Variants in MCTP2 observed in about 807,000 individuals in gnomAD.
The protein encoded by MCTP2 is multiple C2 and transmembrane domain containing 2, also known as multiple C2 and transmembrane domain-containing protein 2.
A neutral mutation model predicts 111.6 loss-of-function variants in MCTP2; 132 were observed. The ratio of observed to expected loss-of-function variants is 1.18; its 90% CI spans 1.03 to 1.37. The LOEUF (loss-of-function observed/expected upper bound fraction) is 1.37. Among genes scored for constraint, MCTP2 ranks in the 40% most tolerant of loss-of-function variants. The pLI is 0.00. For missense variants in MCTP2, 1,183 were observed against 1,067.9 expected, an observed-to-expected ratio of 1.11 and a Z score of -1.50; for synonymous variants, 395 against 387.7, an observed-to-expected ratio of 1.02 and a Z score of -0.22.
At chr15:94,341,074 G>C (rs2077615520) in intron 7 of MCTP2, 150 bp downstream of exon 7, 1 of 581,046 alleles carries the variant, frequency 1.7e-6, no homozygotes, top group South Asian at 2.3e-5. Flanking sequence ...TAAAATATCT[G>C]TTTTTTAATA....
intron 12 of MCTP2, among the ~76,000 whole-genome samples, chr15:94,374,451 G>C (rs945715927): frequency 1.3e-5 from 2 of 152,168 alleles, no homozygotes; most frequent in Non-Finnish European, 2.9e-5. Flanking sequence ...TGCCAGGATT[G>C]TAATGTGTTG....
At chr15:94,460,127 T>A (rs1358134523) in intron 20 of MCTP2, among the ~76,000 whole-genome samples, 1 of 152,172 alleles carries the variant, frequency 6.6e-6, no homozygotes, top group Admixed American at 6.5e-5. Context: ...TAATAGCCAA[T>A]TAGAATTCAG....
intron 1 of MCTP2, among the ~76,000 whole-genome samples, chr15:94,256,882 C>T (rs546718827): frequency 5.3e-5 from 8 of 152,310 alleles, no homozygotes; most frequent in South Asian, 2.1e-4. Flanking sequence ...ACTCGTCCTG[C>T]GTGGAACATA....
chr15:94,365,176 TATA>T (rs2079120968), intron 10 of MCTP2, among the ~76,000 whole-genome samples: 1 of 152,224 alleles, frequency 6.6e-6, no homozygotes, highest in Non-Finnish European at 1.5e-5. Flanking sequence ...ATGATGCTAA[TATA>T]TCAGTTTAAC....
At chr15:94,283,159 G>A (rs1431924140) in intron 1 of MCTP2, among the ~76,000 whole-genome samples, 2 of 152,250 alleles carry the variant, frequency 1.3e-5, no homozygotes, top group East Asian at 1.9e-4. Context: ...CTATGGCAGT[G>A]GCTGCTTGTA....
intron 17 of MCTP2, among the ~76,000 whole-genome samples, chr15:94,439,864 T>C (rs2083678653): frequency 6.6e-6 from 1 of 152,256 alleles, no homozygotes; most frequent in Non-Finnish European, 1.5e-5. Flanking sequence ...ATTTGGTCTC[T>C]GGCCTGCGTC....
chr15:94,382,255 GT>G (rs2080180326), intron 12 of MCTP2, among the ~76,000 whole-genome samples: 1 of 152,206 alleles, frequency 6.6e-6, no homozygotes, highest in South Asian at 2.1e-4. Flanking sequence ...GTATTCTTTG[GT>G]TTATAGTGAT....
At chr15:94,375,454 G>C (rs1344609854) in intron 12 of MCTP2, among the ~76,000 whole-genome samples, 1 of 152,160 alleles carries the variant, frequency 6.6e-6, no homozygotes, top group East Asian at 1.9e-4. Context: ...AGGCAATGGA[G>C]GGACAAAACT....
At chr15:94,292,308 A>T (rs890688972) in intron 1 of MCTP2, among the ~76,000 whole-genome samples, 1 of 152,238 alleles carries the variant, frequency 6.6e-6, no homozygotes, top group Non-Finnish European at 1.5e-5. Flanking sequence ...TTAGTCCAAT[A>T]AGGCAAGAAA....
At chr15:94,355,969 C>T (rs2078598597) in intron 8 of MCTP2, 168 bp from the exon 9 acceptor site, 2 of 1,288,772 alleles carry the variant, frequency 1.6e-6, no homozygotes, top group Non-Finnish European at 2.0e-6. Context: ...AAGGAAGTCA[C>T]ATAACTGTGA....
chr15:94,479,208 C>T lies in MCTP2; in HGVS notation c.*174C>T. 1 of 648,664 alleles carries T rather than the reference C, an allele frequency of 1.5e-6. No individual in the cohort carries two copies. The highest frequency in any genetic ancestry group is 2.8e-6 in the Non-Finnish European group (1 of 358,828). 40.2% of individuals were successfully genotyped at this position (648,664 alleles called of 1,614,324 possible). A position where few individuals can be genotyped will look rare whatever the true frequency, so the allele number is the denominator to read the frequency against. ...AGACATACACACATGTGCACACACC[C>T]TCATGCATGGGTGTCCTAGTTGCGT... On this transcript the variant is annotated 3_prime_UTR_variant, in exon 23 of 23. Coordinates refer to ENST00000357742, the MANE Select transcript of MCTP2 (RefSeq NM_001385001.1).
At chr15:94,232,512 G>C (rs1415454562) in intron 1 of MCTP2, among the ~76,000 whole-genome samples, 1 of 152,188 alleles carries the variant, frequency 6.6e-6, no homozygotes, top group Non-Finnish European at 1.5e-5. Context: ...GATTTGTATG[G>C]ATTATAATTT....
At position 94,290,880 on chromosome 15, in the gene MCTP2, A is replaced by G. The variant is rs1252189907; in HGVS notation, c.-65-7321A>G. On this transcript the variant is annotated intron_variant, in intron 1 of 22. Transcript: ENST00000357742. ...TATAACAATCATAAATGTGTGTGCA[A>G]TAACAGAGCTTCAAAATACAGAAGC... Among the ~76,000 whole-genome samples the G allele has an allele frequency of 2.0e-5, 3 of 152,362 alleles. No homozygotes were observed. The South Asian group carries it at 6.2e-4, about 32-fold the overall frequency.
rs536434735 is a variant in MCTP2, at chr15:94,346,050, C to T, written c.1005+886C>T. On this transcript the variant is annotated intron_variant, in intron 8 of 22. Coordinates refer to ENST00000357742, the MANE Select transcript of MCTP2 (RefSeq NM_001385001.1). ...TTCTAATGTCACTGTACCTCAGTTA[C>T]TTATTTCTCTACATAATAAGGAGCT... 7.4e-4 allele frequency among the ~76,000 whole-genome samples: 113 copies of T among 152,092 alleles called. 2 individuals are homozygous for T. Among genetic ancestry groups the T allele is most frequent in the Middle Eastern group, 3.4e-3 (1 of 294 alleles).
At chr15:94,409,001 T>A (rs996963199) in intron 17 of MCTP2, among the ~76,000 whole-genome samples, 2 of 152,316 alleles carry the variant, frequency 1.3e-5, no homozygotes, top group South Asian at 4.1e-4. Flanking sequence ...AATTTTCTTT[T>A]CAGGATTCTG....
At chr15:94,349,704 C>T (rs779806770) in intron 8 of MCTP2, among the ~76,000 whole-genome samples, 5 of 151,526 alleles carry the variant, frequency 3.3e-5, no homozygotes, top group Non-Finnish European at 5.9e-5. Context: ...CCTGTAGTCC[C>T]AGCTACTCTG....
At chr15:94,415,534 C>T (rs184324892) in intron 17 of MCTP2, among the ~76,000 whole-genome samples, 4 of 152,182 alleles carry the variant, frequency 2.6e-5, no homozygotes, top group Admixed American at 1.3e-4. Flanking sequence ...ATAATCCTTT[C>T]GCAGTGCCAT....
chr15:94,337,293 C>T (rs1033881213), intron 4 of MCTP2, among the ~76,000 whole-genome samples: 1 of 152,084 alleles, frequency 6.6e-6, no homozygotes, highest in Non-Finnish European at 1.5e-5. Flanking sequence ...TGCCGCCATT[C>T]ACCCGTGAAA....
intron 1 of MCTP2, among the ~76,000 whole-genome samples, chr15:94,282,738 C>T (rs1002585063): frequency 5.9e-5 from 9 of 152,152 alleles, no homozygotes; most frequent in African/African-American, 1.2e-4. Context: ...CTTTGATCCC[C>T]TTGAGGGTTT....
Sources: gnomAD v4.1 joint callset for allele counts (sites outside exome capture counted in the v4.1 genomes callset) on GRCh38, gnomAD v4.1.1 for gene constraint, MANE v1.5 for transcripts, NCBI Gene and HGNC (gene_info 2026-07-23, HGNC 2026-07-21) for gene names.